SEZ6L: variants seen among roughly 807,000 people sequenced by gnomAD.
SEZ6L encodes seizure related 6 homolog like.
SEZ6L carries 37 observed loss-of-function variants against 106.2 expected under a neutral mutation model. That is an observed-to-expected ratio of 0.35 (90% CI 0.27 to 0.46). The LOEUF is 0.46. Ranked by LOEUF, SEZ6L falls within the 20% of genes least tolerant of loss-of-function variation. The probability of loss-of-function intolerance (pLI) is 1.00; values close to 1 mark genes in which losing one functional copy is unlikely to be tolerated. For missense variants in SEZ6L, 1,172 were observed against 1,332.8 expected (o/e 0.88, Z 1.88); for synonymous variants, 541 against 570.4 (o/e 0.95, Z 0.73).
At chr22:26,229,763 A>T (rs1414524390) in intron 1 of SEZ6L, among the ~76,000 whole-genome samples, 5 of 152,218 alleles carry the variant, frequency 3.3e-5, no homozygotes, top group African/African-American at 1.2e-4. Context: ...TCCCCAGATG[A>T]TTCAAATGTG....
intron 10 of SEZ6L, among the ~76,000 whole-genome samples, chr22:26,341,094 G>A (rs891885647): frequency 3.3e-5 from 5 of 152,114 alleles, no homozygotes; most frequent in East Asian, 1.9e-4. Context: ...CTTCTTGCCC[G>A]AACTGAAGCT....
intron 4 of SEZ6L, 128 bp downstream of exon 4, chr22:26,297,208 A>C: frequency 1.6e-6 from 1 of 610,768 alleles, no homozygotes; most frequent in Non-Finnish European, 2.7e-6. Flanking sequence ...ACCCCTTCTC[A>C]GAATAATGTT....
chr22:26,296,662 C>T (rs2145892995), intron 3 of SEZ6L, among the ~76,000 whole-genome samples: 1 of 152,370 alleles, frequency 6.6e-6, no homozygotes, highest in East Asian at 1.9e-4. Flanking sequence ...CTTGCAATGC[C>T]TCTGCCTTGC....
chr22:26,226,778 A>G (rs938796779), intron 1 of SEZ6L, among the ~76,000 whole-genome samples: 13 of 152,240 alleles, frequency 8.5e-5, no homozygotes, highest in African/African-American at 3.1e-4. Context: ...AGAAGCTGCC[A>G]GCTGAGACAT....
At chr22:26,214,630 A>G (rs181629492) in intron 1 of SEZ6L, among the ~76,000 whole-genome samples, 1 of 152,308 alleles carries the variant, frequency 6.6e-6, no homozygotes, top group East Asian at 1.9e-4. Context: ...CCCAGAGAAA[A>G]GGTGTGAACA....
chr22:26,296,359 A>G (rs1208256886), intron 3 of SEZ6L, among the ~76,000 whole-genome samples: 2 of 152,212 alleles, frequency 1.3e-5, no homozygotes, highest in African/African-American at 4.8e-5. Flanking sequence ...AGAAAATGGA[A>G]GAATATATTC....
chr22:26,381,824 C>T lies in SEZ6L; in HGVS notation c.*1529C>T, dbSNP rs527551524. ...ACAGTCAATGGCTTGGACAGACAGA[C>T]GGGCACAGTGGCATTTGGAACCCTC... On this transcript the variant is annotated 3_prime_UTR_variant, in exon 17 of 17. Coordinates refer to ENST00000248933, the MANE Select transcript of SEZ6L (RefSeq NM_021115.5). The T allele has an allele frequency of 8.4e-5, 28 of 334,924 alleles. No homozygotes were observed. The highest frequency in any genetic ancestry group is 4.3e-4 in the Middle Eastern group (1 of 2,314). 20.7% of individuals were successfully genotyped at this position (334,924 alleles called of 1,614,324 possible).
At chr22:26,247,272 C>T (rs554802336) in intron 1 of SEZ6L, among the ~76,000 whole-genome samples, 1 of 152,288 alleles carries the variant, frequency 6.6e-6, no homozygotes, top group South Asian at 2.1e-4. Flanking sequence ...CAACACTGAG[C>T]TCTGCTACTT....
chr22:26,313,613 C>T (rs1450316594), intron 8 of SEZ6L, 151 bp from the exon 9 acceptor site: 1 of 683,760 alleles, frequency 1.5e-6, no homozygotes, highest in African/African-American at 1.9e-5. Flanking sequence ...CGCACACACA[C>T]ACACGTGCTG....
chr22:26,258,868 G>T (rs1373936633), intron 1 of SEZ6L, among the ~76,000 whole-genome samples: 1 of 152,056 alleles, frequency 6.6e-6, no homozygotes, highest in Non-Finnish European at 1.5e-5. Context: ...AAATATGAAG[G>T]ATTTTAAGCT....
At chr22:26,313,616 ACG>A in intron 8 of SEZ6L, 146 bp from the exon 9 acceptor site, 1 of 695,670 alleles carries the variant, frequency 1.4e-6, no homozygotes, top group Non-Finnish European at 2.4e-6. Flanking sequence ...ACACACACAC[ACG>A]TGCTGGCTGC....
intron 9 of SEZ6L, among the ~76,000 whole-genome samples, chr22:26,324,101 C>CACAA (rs1443481223): frequency 7.2e-6 from 1 of 139,570 alleles, no homozygotes; most frequent in African/African-American, 2.6e-5. Context: ...CACACACACA[C>CACAA]AAACACACAC....
intron 1 of SEZ6L, among the ~76,000 whole-genome samples, chr22:26,251,237 C>A (rs2079568073): frequency 6.6e-6 from 1 of 152,000 alleles, no homozygotes; most frequent in Admixed American, 6.6e-5. Flanking sequence ...AAAGGAAAAG[C>A]TTTTCACTTT....
chr22:26,209,466 T>TATGG (rs71192906), intron 1 of SEZ6L, among the ~76,000 whole-genome samples: 11,900 of 148,480 alleles, frequency 0.08, 570 homozygotes, highest in Non-Finnish European at 0.12. Flanking sequence ...AGGAAGGATA[T>TATGG]ATGGATGGAT....
At chr22:26,292,057 A>G (rs967884902) in intron 1 of SEZ6L, among the ~76,000 whole-genome samples, 1 of 150,422 alleles carries the variant, frequency 6.6e-6, no homozygotes, top group African/African-American at 2.5e-5. Flanking sequence ...GGAAAGAAGG[A>G]AGGAAATGAA....
At chr22:26,338,137 C>T (rs900532443) in intron 9 of SEZ6L, among the ~76,000 whole-genome samples, 1 of 152,184 alleles carries the variant, frequency 6.6e-6, no homozygotes. Flanking sequence ...CCCAGAACAC[C>T]TCTCCTCTGG....
intron 1 of SEZ6L, among the ~76,000 whole-genome samples, chr22:26,256,533 A>C (rs1279054392): frequency 6.6e-6 from 1 of 152,230 alleles, no homozygotes; most frequent in East Asian, 1.9e-4. Context: ...TTTAAAAGAC[A>C]CAGATGCCTC....
intron 1 of SEZ6L, among the ~76,000 whole-genome samples, chr22:26,281,568 C>T (rs777564901): frequency 2.3e-4 from 35 of 151,818 alleles, no homozygotes; most frequent in Non-Finnish European, 4.4e-4. Context: ...TTAGTAGAGA[C>T]GGGGTTTCAC....
intron 1 of SEZ6L, among the ~76,000 whole-genome samples, chr22:26,256,249 A>C (rs905567611): frequency 6.6e-6 from 1 of 152,220 alleles, no homozygotes; most frequent in South Asian, 2.1e-4. Flanking sequence ...GTGTGCATGA[A>C]AGAATAAATA....
Sources: gnomAD v4.1 joint callset for allele counts (sites outside exome capture counted in the v4.1 genomes callset) on GRCh38, gnomAD v4.1.1 for gene constraint, MANE v1.5 for transcripts, NCBI Gene and HGNC (gene_info 2026-07-23, HGNC 2026-07-21) for gene names.